PRKCA: variants seen among roughly 807,000 people sequenced by gnomAD.
The protein encoded by PRKCA is protein kinase C alpha type.
PRKCA carries 27 observed loss-of-function variants against 87.0 expected under a neutral mutation model. The observed-to-expected ratio is 0.31, with a 90% CI of 0.23 to 0.43. The LOEUF (loss-of-function observed/expected upper bound fraction) is 0.43, where lower values mean the gene tolerates loss of function less well. Ranked by LOEUF, PRKCA falls within the 20% of genes least tolerant of loss-of-function variation. The probability of loss-of-function intolerance (pLI) is 1.00; values close to 1 mark genes in which losing one functional copy is unlikely to be tolerated. For missense variants in PRKCA, 518 were observed against 852.3 expected (o/e 0.61, Z 4.88); for synonymous variants, 329 against 311.1 (o/e 1.06, Z -0.61).
intron 3 of PRKCA, among the ~76,000 whole-genome samples, chr17:66,520,334 TG>T (rs1967119026): frequency 6.6e-6 from 1 of 152,250 alleles, no homozygotes; most frequent in Admixed American, 6.5e-5. Context: ...TTGGCCAGGC[TG>T]GTCTCAAACT....
chr17:66,401,207 G>A (rs530364489), intron 2 of PRKCA, among the ~76,000 whole-genome samples: 181 of 152,274 alleles, frequency 1.2e-3, no homozygotes, highest in African/African-American at 4.1e-3. Context: ...CCATAGGAGC[G>A]CAGGTGAGGG....
In PRKCA at chr17:66,436,459, C is replaced by T. The variant is rs568374469; in HGVS notation, c.206-59742C>T. Among the ~76,000 whole-genome samples, 7 of 152,284 alleles carry T rather than the reference C, an allele frequency of 4.6e-5. No individual in the cohort carries two copies. In the South Asian group the frequency reaches 1.5e-3, roughly 32 times the overall value. ...GGCGAGGATTAAGTGAGAGAACACA[C>T]GTGAAATGGTTAGAACAGTGCCTGG... On this transcript the variant is annotated intron_variant, in intron 2 of 16. Coordinates refer to ENST00000413366, the MANE Select transcript of PRKCA (RefSeq NM_002737.3).
chr17:66,761,044 CA>C (rs1974670816), intron 13 of PRKCA, among the ~76,000 whole-genome samples: 2 of 152,164 alleles, frequency 1.3e-5, no homozygotes, highest in South Asian at 4.2e-4. Context: ...CTGTTTTCTC[CA>C]ATTGTACATA....
At chr17:66,428,417 C>T (rs1302444044) in intron 2 of PRKCA, among the ~76,000 whole-genome samples, 1 of 151,752 alleles carries the variant, frequency 6.6e-6, no homozygotes, top group Non-Finnish European at 1.5e-5. Context: ...CAGTTGAAAT[C>T]ACATTAGAAT....
intron 8 of PRKCA, among the ~76,000 whole-genome samples, chr17:66,720,148 G>A (rs1973577585): frequency 6.6e-6 from 1 of 152,240 alleles, no homozygotes; most frequent in Non-Finnish European, 1.5e-5. Context: ...ATGCACCACA[G>A]AAACCGGTGC....
intron 2 of PRKCA, among the ~76,000 whole-genome samples, chr17:66,459,799 C>G (rs937679977): frequency 1.3e-5 from 2 of 152,298 alleles, no homozygotes; most frequent in Non-Finnish European, 2.9e-5. Context: ...AAGTATCACT[C>G]TCTACTGCTT....
At position 66,744,608 on chromosome 17, in the gene PRKCA, A is replaced by C. The variant is rs559844452; in HGVS notation, c.1524+1848A>C. Reference sequence around the variant, plus strand: ...AGAGACAAAATTTTCCATATCATTAAGGTTTGTCCATTTGAGTGTCTTGTC... The same window carrying C: ...AGAGACAAAATTTTCCATATCATTACGGTTTGTCCATTTGAGTGTCTTGTC... On this transcript the variant is annotated intron_variant, in intron 13 of 16. Coordinates refer to ENST00000413366, the MANE Select transcript of PRKCA (RefSeq NM_002737.3). Among the ~76,000 whole-genome samples the C allele has an allele frequency of 2.6e-5, 4 of 152,306 alleles. No individual in the cohort carries two copies. The South Asian group carries it at 8.3e-4, about 32-fold the overall frequency.
At position 66,331,446 on chromosome 17, in the gene PRKCA, T is replaced by C. The variant is rs542092235; in HGVS notation, c.205+25319T>C. On this transcript the variant is annotated intron_variant, in intron 2 of 16. Coordinates refer to ENST00000413366, the MANE Select transcript of PRKCA (RefSeq NM_002737.3). ...TTGTGATCAGCAAAGTTCTATGCTG[T>C]AGCAACACATTAATCTGCAGATCTC... Among the ~76,000 whole-genome samples, 25 of 152,344 alleles carry C rather than the reference T, an allele frequency of 1.6e-4. 1 individual carries two copies. The highest frequency in any genetic ancestry group is 2.9e-4 in the Non-Finnish European group (20 of 68,028).
chr17:66,473,830 A>T (rs1915429137), intron 2 of PRKCA, among the ~76,000 whole-genome samples: 1 of 152,110 alleles, frequency 6.6e-6, no homozygotes, highest in South Asian at 2.1e-4. Flanking sequence ...GCTACTCGGG[A>T]GGCTGAGGCA....
intron 2 of PRKCA, among the ~76,000 whole-genome samples, chr17:66,341,724 G>A (rs972915745): frequency 2.0e-5 from 3 of 152,204 alleles, no homozygotes; most frequent in Non-Finnish European, 4.4e-5. Context: ...TGCGATAGCA[G>A]CTTAGAATTT....
At chr17:66,676,023 TTC>T (rs1252871233) in intron 5 of PRKCA, among the ~76,000 whole-genome samples, 10 of 152,122 alleles carry the variant, frequency 6.6e-5, no homozygotes, top group Non-Finnish European at 7.4e-5. Context: ...GTAAATCCTG[TTC>T]TGGAGGCAAT....
At chr17:66,400,962 T>G (rs1238825561) in intron 2 of PRKCA, among the ~76,000 whole-genome samples, 2 of 152,244 alleles carry the variant, frequency 1.3e-5, no homozygotes, top group African/African-American at 2.4e-5. Context: ...CTCAGAATAC[T>G]GGTTGTACAA....
intron 5 of PRKCA, among the ~76,000 whole-genome samples, chr17:66,646,838 C>T (rs1971471125): frequency 6.6e-6 from 1 of 152,200 alleles, no homozygotes; most frequent in African/African-American, 2.4e-5. Context: ...CTCTGGATAA[C>T]CTTGAAACCA....
At chr17:66,307,309 C>T (rs561463367) in intron 2 of PRKCA, among the ~76,000 whole-genome samples, 1 of 152,106 alleles carries the variant, frequency 6.6e-6, no homozygotes, top group Non-Finnish European at 1.5e-5. Context: ...ATACCAGTCT[C>T]TACAAAAGAT....
At chr17:66,423,290 C>G (rs1329072302) in intron 2 of PRKCA, among the ~76,000 whole-genome samples, 2 of 152,056 alleles carry the variant, frequency 1.3e-5, no homozygotes, top group Non-Finnish European at 2.9e-5. Context: ...TGTTTTATGC[C>G]CGGTTTCTTG....
chr17:66,746,128 G>A (rs890543497), intron 13 of PRKCA, among the ~76,000 whole-genome samples: 2 of 142,370 alleles, frequency 1.4e-5, no homozygotes, highest in African/African-American at 5.2e-5. Flanking sequence ...TCACCTTAAG[G>A]TTGTTTCACC....
At chr17:66,656,034 A>G (rs1238765821) in intron 5 of PRKCA, among the ~76,000 whole-genome samples, 3 of 152,226 alleles carry the variant, frequency 2.0e-5, no homozygotes, top group South Asian at 2.1e-4. Context: ...ACAGATTGTT[A>G]TTCATGCTTG....
intron 3 of PRKCA, among the ~76,000 whole-genome samples, chr17:66,638,831 G>A (rs1421875465): frequency 1.3e-5 from 2 of 151,622 alleles, no homozygotes; most frequent in African/African-American, 2.4e-5. Context: ...CTGGGCAACA[G>A]AGCAAGACTG....
At chr17:66,674,421 C>T (rs573702165) in intron 5 of PRKCA, among the ~76,000 whole-genome samples, 2 of 152,224 alleles carry the variant, frequency 1.3e-5, no homozygotes, top group South Asian at 4.2e-4. Flanking sequence ...AGTAGGGGTT[C>T]AAAATAACTA....
Sources: gnomAD v4.1 joint callset for allele counts (sites outside exome capture counted in the v4.1 genomes callset) on GRCh38, gnomAD v4.1.1 for gene constraint, MANE v1.5 for transcripts, NCBI Gene and HGNC (gene_info 2026-07-23, HGNC 2026-07-21) for gene names.